PTPRD: variants seen among roughly 807,000 people sequenced by gnomAD.
PTPRD encodes protein tyrosine phosphatase receptor type D.
Under a neutral mutation model 214.5 loss-of-function variants are expected in PTPRD, and 34 were observed. That is an observed-to-expected ratio of 0.16 (90% CI 0.12 to 0.21). The LOEUF is 0.21. PTPRD is among the 10% of genes least tolerant of loss of function. PTPRD has a pLI of 1.00. For synonymous variants in PTPRD, 1,128 were observed against 845.7 expected (o/e 1.33, Z -5.79); for missense variants, 2,545 against 2,398.7 (o/e 1.06, Z -1.27).
chr9:10,081,281 A>G (rs753640860), intron 3 of PTPRD, among the ~76,000 whole-genome samples: 2 of 152,158 alleles, frequency 1.3e-5, no homozygotes, highest in Non-Finnish European at 2.9e-5. Flanking sequence ...ATCAATAATT[A>G]GTTACCTAGA....
intron 5 of PTPRD, among the ~76,000 whole-genome samples, chr9:9,811,549 T>C (rs1415291365): frequency 6.6e-6 from 1 of 151,750 alleles, no homozygotes; most frequent in Non-Finnish European, 1.5e-5. Flanking sequence ...CTACTAAAAA[T>C]ATAAAAAATT....
intron 10 of PTPRD, among the ~76,000 whole-genome samples, chr9:9,086,593 C>T (rs2099767375): frequency 6.6e-6 from 1 of 152,108 alleles, no homozygotes; most frequent in Non-Finnish European, 1.5e-5. Flanking sequence ...TTGTCCTCAC[C>T]CCTCCCTGCA....
At chr9:10,555,781 A>C (rs1473204524) in intron 2 of PTPRD, among the ~76,000 whole-genome samples, 2 of 152,216 alleles carry the variant, frequency 1.3e-5, no homozygotes, top group Non-Finnish European at 2.9e-5. Flanking sequence ...CATCAGAATA[A>C]ACACTGCCAA....
chr9:10,245,756 G>C (rs954227108), intron 3 of PTPRD, among the ~76,000 whole-genome samples: 1 of 152,162 alleles, frequency 6.6e-6, no homozygotes, highest in Non-Finnish European at 1.5e-5. Context: ...ACAGGGGGAA[G>C]ACAGATGTGG....
intron 9 of PTPRD, among the ~76,000 whole-genome samples, chr9:9,238,551 T>G (rs72696862): frequency 6.6e-6 from 1 of 152,036 alleles, no homozygotes; most frequent in African/African-American, 2.4e-5. Flanking sequence ...AAAGGGATCT[T>G]AGAGTCAAAG....
chr9:9,723,455 C>G lies in PTPRD; in HGVS notation c.-287+11078G>C, dbSNP rs114987588. ...ATGGTTTTATAGTAAATTTTGAAAT[C>G]AGAAACTATGAGTCCTCCTACTTTG... On this transcript the variant is annotated intron_variant, in intron 7 of 45. Coordinates refer to ENST00000381196, the MANE Select transcript of PTPRD (RefSeq NM_002839.4). 2.3e-3 allele frequency among the ~76,000 whole-genome samples: 349 copies of G among 152,098 alleles called. 5 individuals carry two copies. Among genetic ancestry groups the G allele is most frequent in the African/African-American group, 8.1e-3 (337 of 41,544 alleles).
rs1186800152 is a variant in PTPRD at position 9,175,050 on chromosome 9, A to G, written c.-143+8254T>C. Among the ~76,000 whole-genome samples, 5 of 152,092 alleles carry G rather than the reference A, an allele frequency of 3.3e-5. No individual in the cohort carries two copies. The South Asian group carries it at 1.0e-3, about 32-fold the overall frequency. On this transcript the variant is annotated intron_variant, in intron 10 of 45. Coordinates refer to ENST00000381196, the MANE Select transcript of PTPRD (RefSeq NM_002839.4). ...ATGACATAGCCAGAAGACCCCATCTATGAACCAGGAAATGATCCCTCACCA... is the reference window on the plus strand; with the variant it reads ...ATGACATAGCCAGAAGACCCCATCTGTGAACCAGGAAATGATCCCTCACCA...
intron 5 of PTPRD, among the ~76,000 whole-genome samples, chr9:9,871,177 G>T (rs919349078): frequency 6.6e-6 from 1 of 152,068 alleles, no homozygotes; most frequent in African/African-American, 2.4e-5. Context: ...AAATAATTTA[G>T]TCCTTACATT....
At chr9:10,061,610 T>C (rs937829476) in intron 3 of PTPRD, among the ~76,000 whole-genome samples, 4 of 152,066 alleles carry the variant, frequency 2.6e-5, no homozygotes, top group African/African-American at 9.7e-5. Context: ...CCCCACCATG[T>C]CATTTAATAA....
At chr9:10,380,027 A>C (rs1225725550) in intron 2 of PTPRD, among the ~76,000 whole-genome samples, 1 of 152,016 alleles carries the variant, frequency 6.6e-6, no homozygotes, top group African/African-American at 2.4e-5. Flanking sequence ...TGGCACAAGC[A>C]TTACTCACAG....
chr9:10,581,501 G>C lies in PTPRD; in HGVS notation c.-600+30897C>G, dbSNP rs78918936. On this transcript the variant is annotated intron_variant, in intron 2 of 45. Transcript: ENST00000381196. ...TAAGAAAGCAAACACTTTTCAAAAA[G>C]TTCTTGAGGTAATATTCAAAGAGTG... is the stretch of plus-strand genomic sequence containing the variant. Among the ~76,000 whole-genome samples, 26 of 152,254 alleles carry C rather than the reference G, an allele frequency of 1.7e-4. 1 individual carries two copies. In the East Asian group the frequency reaches 5.0e-3, roughly 29 times the overall value.
At chr9:10,422,528 A>G (rs570360860) in intron 2 of PTPRD, among the ~76,000 whole-genome samples, 1 of 152,206 alleles carries the variant, frequency 6.6e-6, no homozygotes, top group Non-Finnish European at 1.5e-5. Flanking sequence ...GGCAACCTAC[A>G]GAATGGGAGA....
chr9:9,177,393 A>ATTG (rs2099925549), intron 10 of PTPRD, among the ~76,000 whole-genome samples: 1 of 152,120 alleles, frequency 6.6e-6, no homozygotes, highest in South Asian at 2.1e-4. Context: ...ACCTAACCAT[A>ATTG]TCACGACCCT....
Position 9,723,838 on chromosome 9 carries a change from T to C in PTPRD, c.-287+10695A>G, listed in dbSNP as rs372570435. On this transcript the variant is annotated intron_variant, in intron 7 of 45. Transcript: ENST00000381196. The stretch of plus-strand genomic sequence containing the variant: ...TCATTACGAATGTATAGAAATATCA[T>C]TGGTTTGTAAAGTATTAATCTTGTA... Among the ~76,000 whole-genome samples, 255 of 152,250 alleles carry C rather than the reference T, an allele frequency of 1.7e-3. 1 individual carries two copies. Among genetic ancestry groups the C allele is most frequent in the African/African-American group, 5.7e-3 (236 of 41,586 alleles).
chr9:8,578,002 A>G (rs969239048), intron 14 of PTPRD, among the ~76,000 whole-genome samples: 25 of 152,200 alleles, frequency 1.6e-4, no homozygotes, highest in African/African-American at 6.0e-4. Flanking sequence ...ATTCTTCTGA[A>G]TATGCAATAC....
At position 8,446,633 on chromosome 9, in the gene PTPRD, T is replaced by G. The variant is rs550392276; in HGVS notation, c.3988+3092A>C. 3.3e-5 allele frequency among the ~76,000 whole-genome samples: 5 copies of G among 152,330 alleles called. No individual in the cohort carries two copies. In the South Asian group the frequency reaches 1.0e-3, roughly 32 times the overall value. Reference sequence around the variant, plus strand: ...GGATTACTAATTCTCTACTTATGTATATTATTAATAAATATTCTCAAGCGT... The same window carrying G: ...GGATTACTAATTCTCTACTTATGTAGATTATTAATAAATATTCTCAAGCGT... On this transcript the variant is annotated intron_variant, in intron 34 of 45. Transcript: ENST00000381196.
At chr9:9,413,276 G>A (rs376476819) in intron 8 of PTPRD, among the ~76,000 whole-genome samples, 19 of 148,312 alleles carry the variant, frequency 1.3e-4, no homozygotes, top group African/African-American at 3.7e-4. Flanking sequence ...CACCGCGCCC[G>A]GCTAATTTTT....
At chr9:10,466,904 T>G (rs2098998368) in intron 2 of PTPRD, among the ~76,000 whole-genome samples, 1 of 152,230 alleles carries the variant, frequency 6.6e-6, no homozygotes, top group African/African-American at 2.4e-5. Flanking sequence ...ACTACAAAAC[T>G]TGCCACCAAG....
intron 30 of PTPRD, among the ~76,000 whole-genome samples, chr9:8,481,566 A>T (rs1013090841): frequency 6.6e-6 from 1 of 152,074 alleles, no homozygotes; most frequent in Non-Finnish European, 1.5e-5. Context: ...CCTTCTAGAA[A>T]ATCCCTTTGC....
Sources: gnomAD v4.1 joint callset for allele counts (sites outside exome capture counted in the v4.1 genomes callset) on GRCh38, gnomAD v4.1.1 for gene constraint, MANE v1.5 for transcripts, NCBI Gene and HGNC (gene_info 2026-07-23, HGNC 2026-07-21) for gene names.